Variants in ERBB4 observed in about 807,000 individuals in gnomAD.
ERBB4 encodes the protein erb-b2 receptor tyrosine kinase 4, also known as receptor tyrosine-protein kinase erbB-4.
In ERBB4, 42 loss-of-function variants were observed where a neutral mutation model predicts 158.0. The ratio of observed to expected loss-of-function variants is 0.27; its 90% confidence interval spans 0.21 to 0.34. The LOEUF is 0.34. Among genes scored for constraint, ERBB4 ranks in the 10% least tolerant of loss-of-function variants. The pLI, the probability that ERBB4 is intolerant of heterozygous loss-of-function variation, is 1.00. For synonymous variants in ERBB4, 583 were observed against 558.7 expected (o/e 1.04, Z -0.61); for missense variants, 1,333 against 1,624.1 (o/e 0.82, Z 3.08).
intron 3 of ERBB4, among the ~76,000 whole-genome samples, chr2:211,894,111 C>T (rs1192744976): frequency 9.2e-6 from 1 of 108,862 alleles, no homozygotes; most frequent in African/African-American, 3.8e-5. Context: ...CACATGCACA[C>T]GTATGTTTAT....
intron 1 of ERBB4, among the ~76,000 whole-genome samples, chr2:212,260,988 A>C (rs924925785): frequency 3.9e-5 from 6 of 152,204 alleles, no homozygotes; most frequent in African/African-American, 1.4e-4. Flanking sequence ...CATAAGTAAT[A>C]CAAATGACAG....
At chr2:212,481,605 AAAC>A (rs1175041655) in intron 1 of ERBB4, among the ~76,000 whole-genome samples, 1 of 152,212 alleles carries the variant, frequency 6.6e-6, no homozygotes. Context: ...TTCAACGCTA[AAAC>A]AACAATATAT....
At chr2:212,303,462 CT>C (rs1217534576) in intron 1 of ERBB4, among the ~76,000 whole-genome samples, 1 of 147,510 alleles carries the variant, frequency 6.8e-6, no homozygotes, top group Non-Finnish European at 1.5e-5. Context: ...ATATTTGATC[CT>C]TGTAAATCCT....
chr2:212,118,578 T>C (rs1270254624), intron 2 of ERBB4, among the ~76,000 whole-genome samples: 16 of 152,086 alleles, frequency 1.1e-4, no homozygotes, highest in Admixed American at 9.8e-4. Context: ...ATACATATCC[T>C]AATAAAAGAG....
At chr2:212,115,669 T>C (rs2079550010) in intron 2 of ERBB4, among the ~76,000 whole-genome samples, 1 of 152,112 alleles carries the variant, frequency 6.6e-6, no homozygotes, top group South Asian at 2.1e-4. Context: ...AGTTATTTGT[T>C]TATTTTGTTT....
chr2:212,300,009 T>TC (rs1038279365), intron 1 of ERBB4, among the ~76,000 whole-genome samples: 1 of 151,356 alleles, frequency 6.6e-6, no homozygotes, highest in Admixed American at 6.6e-5. Context: ...CATTTTCATT[T>TC]CCCCCTCCCT....
intron 1 of ERBB4, among the ~76,000 whole-genome samples, chr2:212,316,034 A>C (rs978594581): frequency 7.3e-5 from 11 of 151,504 alleles, no homozygotes; most frequent in African/African-American, 2.7e-4. Context: ...AATGAAAAAA[A>C]AGAAAGTTCC....
At chr2:211,490,753 A>G (rs1216072505) in intron 20 of ERBB4, among the ~76,000 whole-genome samples, 1 of 152,024 alleles carries the variant, frequency 6.6e-6, no homozygotes, top group African/African-American at 2.4e-5. Context: ...TCTTTCCCTT[A>G]TTGCCCTCTT....
At chr2:211,802,406 A>C (rs2076520952) in intron 3 of ERBB4, among the ~76,000 whole-genome samples, 1 of 152,228 alleles carries the variant, frequency 6.6e-6, no homozygotes, top group Non-Finnish European at 1.5e-5. Context: ...ATTATTTACT[A>C]AAAAGCTATA....
chr2:211,562,857 C>T (rs891718946), intron 19 of ERBB4, among the ~76,000 whole-genome samples: 1 of 147,030 alleles, frequency 6.8e-6, no homozygotes, highest in Non-Finnish European at 1.5e-5. Flanking sequence ...CTGCAAGCTC[C>T]GCCTCCCGGG....
At chr2:211,539,590 C>T (rs2066744419) in intron 20 of ERBB4, among the ~76,000 whole-genome samples, 1 of 151,920 alleles carries the variant, frequency 6.6e-6, no homozygotes, top group African/African-American at 2.4e-5. Context: ...AGCTTTATGG[C>T]TCCCTTTCTG....
At chr2:211,500,908 A>G (rs1254133519) in intron 20 of ERBB4, among the ~76,000 whole-genome samples, 1 of 152,058 alleles carries the variant, frequency 6.6e-6, no homozygotes, top group African/African-American at 2.4e-5. Flanking sequence ...TTGTGACTGA[A>G]TAACAGTAAT....
intron 3 of ERBB4, among the ~76,000 whole-genome samples, chr2:211,814,843 G>A (rs72948556): frequency 6.6e-6 from 1 of 152,218 alleles, no homozygotes; most frequent in Non-Finnish European, 1.5e-5. Flanking sequence ...ACAATGATAG[G>A]AAGTAGGTTC....
intron 1 of ERBB4, among the ~76,000 whole-genome samples, chr2:212,348,471 G>A (rs2089112547): frequency 6.6e-6 from 1 of 152,192 alleles, no homozygotes; most frequent in African/African-American, 2.4e-5. Context: ...AGCTAATAAT[G>A]AGAAACAGTT....
At chr2:211,404,644 G>A (rs1269984461) in intron 25 of ERBB4, among the ~76,000 whole-genome samples, 2 of 152,008 alleles carry the variant, frequency 1.3e-5, no homozygotes, top group South Asian at 2.1e-4. Context: ...TCTTGGTTAA[G>A]TGTTTGTTTG....
At chr2:212,172,335 C>T (rs1204080373) in intron 1 of ERBB4, among the ~76,000 whole-genome samples, 1 of 152,096 alleles carries the variant, frequency 6.6e-6, no homozygotes, top group African/African-American at 2.4e-5. Context: ...ATTAGTTCTA[C>T]CATTGTGGAA....
At chr2:211,395,506 C>CTAT (rs2062893713) in intron 25 of ERBB4, among the ~76,000 whole-genome samples, 1 of 151,868 alleles carries the variant, frequency 6.6e-6, no homozygotes, top group Non-Finnish European at 1.5e-5. Flanking sequence ...AGAAACAAAC[C>CTAT]TATTTATTTT....
intron 3 of ERBB4, among the ~76,000 whole-genome samples, chr2:211,870,904 T>C (rs1156489606): frequency 6.6e-6 from 1 of 152,148 alleles, no homozygotes; most frequent in Non-Finnish European, 1.5e-5. Flanking sequence ...TGTTCGTTCA[T>C]TCAACAATCA....
intron 3 of ERBB4, among the ~76,000 whole-genome samples, chr2:211,920,686 G>A (rs1334020311): frequency 6.8e-6 from 1 of 147,628 alleles, no homozygotes; most frequent in Non-Finnish European, 1.5e-5. Flanking sequence ...TTAACAAACT[G>A]TTGATATTTC....
Sources: allele counts gnomAD v4.1 joint callset (sites outside exome capture counted in the v4.1 genomes callset), GRCh38; gene constraint gnomAD v4.1.1; transcripts MANE v1.5; gene names NCBI Gene and HGNC (gene_info 2026-07-23, HGNC 2026-07-21).